The following C1orf185 variants were observed in gnomAD, a reference collection of about 807,000 sequenced individuals.
The protein encoded by C1orf185 is uncharacterized protein C1orf185.
In C1orf185, 13 loss-of-function variants were observed where a neutral mutation model predicts 16.1. The observed-to-expected ratio is 0.81, with a 90% CI of 0.53 to 1.28. The LOEUF (loss-of-function observed/expected upper bound fraction) is 1.28. Among genes scored for constraint, C1orf185 ranks in the 50% most tolerant of loss-of-function variants. The pLI is 0.00. For missense variants in C1orf185, 220 were observed against 225.2 expected (o/e 0.98, Z 0.15); for synonymous variants, 80 against 76.9 (o/e 1.04, Z -0.21).
intron 3 of C1orf185, among the ~76,000 whole-genome samples, chr1:51,144,223 C>T (rs956147738): frequency 4.6e-5 from 7 of 152,146 alleles, no homozygotes; most frequent in Non-Finnish European, 7.4e-5. Context: ...ATACCCCATT[C>T]CAGACCTTCC....
chr1:51,150,407 G>T (rs1238060590), downstream of C1orf185, among the ~76,000 whole-genome samples: 1 of 152,022 alleles, frequency 6.6e-6, no homozygotes, highest in Non-Finnish European at 1.5e-5. Flanking sequence ...TGGCCAGGCT[G>T]GTCTTGAACT....
At chr1:51,143,353 T>C (rs1646379131) in intron 3 of C1orf185, among the ~76,000 whole-genome samples, 1 of 152,190 alleles carries the variant, frequency 6.6e-6, no homozygotes, top group South Asian at 2.1e-4. Flanking sequence ...TCTATGAATG[T>C]AAGGAAGCAG....
chr1:51,117,690 C>A (rs899720075), intron 2 of C1orf185, among the ~76,000 whole-genome samples: 1 of 152,166 alleles, frequency 6.6e-6, no homozygotes, highest in Non-Finnish European at 1.5e-5. Context: ...GCCTTAATAG[C>A]TCATTTCTTT....
chr1:51,145,307 A>AAATAATAAT (rs111332471), intron 3 of C1orf185, among the ~76,000 whole-genome samples: 150 of 150,612 alleles, frequency 1.0e-3, no homozygotes, highest in African/African-American at 2.8e-3. Flanking sequence ...CCTGTCTCTA[A>AAATAATAAT]AATAATAATA....
chr1:51,114,145 T>C (rs549147493), intron 2 of C1orf185, among the ~76,000 whole-genome samples: 2 of 152,286 alleles, frequency 1.3e-5, no homozygotes, highest in South Asian at 4.1e-4. Flanking sequence ...TTGACATGTT[T>C]AACAAACAGA....
At chr1:51,133,199 A>G (rs1264672562) in intron 3 of C1orf185, among the ~76,000 whole-genome samples, 1 of 152,214 alleles carries the variant, frequency 6.6e-6, no homozygotes, top group Non-Finnish European at 1.5e-5. Context: ...GATCAAATCC[A>G]CACATATCAA....
intron 3 of C1orf185, among the ~76,000 whole-genome samples, 168 bp downstream of exon 3, chr1:51,118,969 A>G (rs1319277762): frequency 1.3e-5 from 2 of 152,196 alleles, no homozygotes; most frequent in African/African-American, 2.4e-5. Context: ...AGCTAAATGA[A>G]AATATATCAC....
rs1157231757 is a variant in C1orf185, at chr1:51,118,722, C to T, written c.179C>T (p.Pro60Leu). 1.5e-5 allele frequency: 23 copies of T among 1,490,724 alleles called. No individual in the cohort carries two copies. In the South Asian group the frequency reaches 2.2e-4, roughly 14 times the overall value. 92.3% of individuals were successfully genotyped at this position (1,490,724 alleles called of 1,614,324 possible). ...KAIDERCRQR[P>L]SMAKIKSHSQ... ...ATTGATGAGAGATGCAGGCAAAGAC[C>T]ATCAATGGCGAAGATTAAATCTCAT... The change falls in exon 3 of 5, where the codon CCA (proline) becomes CTA (leucine). Residue 60 changes from proline (P) to leucine (L), a missense_variant. Pro to Leu is a moderately conservative substitution (Grantham distance 98). Transcript: ENST00000371759.
At chr1:51,136,385 G>A (rs1352811960) in intron 3 of C1orf185, among the ~76,000 whole-genome samples, 2 of 150,942 alleles carry the variant, frequency 1.3e-5, no homozygotes, top group Admixed American at 1.3e-4. Context: ...ACCCAGGCTG[G>A]AGTGCAGTGG....
intron 3 of C1orf185, among the ~76,000 whole-genome samples, chr1:51,141,016 G>C (rs1219114530): frequency 6.6e-6 from 1 of 152,088 alleles, no homozygotes. Context: ...TGATAGGTTA[G>C]CTCCACCCAA....
chr1:51,150,193 T>G (rs558208765), downstream of C1orf185, among the ~76,000 whole-genome samples: 8 of 150,060 alleles, frequency 5.3e-5, no homozygotes, highest in East Asian at 1.4e-3. Flanking sequence ...TTGAATGTCT[T>G]TCTTTTTTTT....
intron 3 of C1orf185, among the ~76,000 whole-genome samples, chr1:51,128,337 A>T (rs990413067): frequency 3.3e-5 from 5 of 152,140 alleles, no homozygotes; most frequent in African/African-American, 1.2e-4. Flanking sequence ...TGAGAGTTTC[A>T]ATTTTCCATG....
rs369268032 is a variant in C1orf185, at chr1:51,123,946, TACACAC to T, written c.258+5161_258+5166del. Among the ~76,000 whole-genome samples the T allele has an allele frequency of 1.1e-4, 17 of 149,304 alleles. No individual in the cohort carries two copies. The East Asian group carries it at 1.6e-3, about 14-fold the overall frequency. ...TATTTTATACACACATGTATATATA[TACACAC>T]ACACACACACACACATTATATATAT... On this transcript the variant is annotated intron_variant, in intron 3 of 4. Transcript: ENST00000371759.
At chr1:51,139,279 T>A (rs925134749) in intron 3 of C1orf185, among the ~76,000 whole-genome samples, 1 of 152,034 alleles carries the variant, frequency 6.6e-6, no homozygotes, top group Non-Finnish European at 1.5e-5. Context: ...ATTTTTGTAT[T>A]TTTAGTAGAG....
downstream of C1orf185, among the ~76,000 whole-genome samples, chr1:51,150,124 C>A (rs1035262699): frequency 1.8e-4 from 28 of 151,752 alleles, no homozygotes; most frequent in African/African-American, 6.0e-4. Context: ...GTTTATATTA[C>A]AAATTATAAA....
downstream of C1orf185, among the ~76,000 whole-genome samples, chr1:51,152,126 T>A (rs542674804): frequency 5.3e-5 from 8 of 152,218 alleles, no homozygotes; most frequent in Non-Finnish European, 1.2e-4. Flanking sequence ...AGCTCGCAAC[T>A]GCCTTTGACA....
intron 1 of C1orf185, among the ~76,000 whole-genome samples, chr1:51,111,378 T>C (rs1235491482): frequency 6.7e-6 from 1 of 148,866 alleles, no homozygotes; most frequent in Non-Finnish European, 1.5e-5. Flanking sequence ...TTCTTTCTTT[T>C]TTTTTTTTTT....
Position 51,118,807 on chromosome 1 carries a change from G to T in C1orf185, c.258+6G>T. The T allele has an allele frequency of 7.1e-7, 1 of 1,412,144 alleles. No homozygotes were observed. The highest frequency in any genetic ancestry group is 1.6e-5 in the South Asian group (1 of 61,232). 87.5% of individuals were successfully genotyped at this position (1,412,144 alleles called of 1,614,324 possible). On this transcript the variant is annotated splice_donor_region_variant and intron_variant, in intron 3 of 4. Coordinates refer to ENST00000371759, the MANE Select transcript of C1orf185 (RefSeq NM_001136508.2). ...CTGGGAGATTCCAATTACAGGTAGG[G>T]TGTAATATTTTATAGTAATCTTTTC...
intron 3 of C1orf185, among the ~76,000 whole-genome samples, chr1:51,139,090 T>A (rs548319028): frequency 5.9e-5 from 9 of 152,136 alleles, no homozygotes; most frequent in Admixed American, 6.5e-5. Flanking sequence ...AAATTTCCTT[T>A]CTTTTTTTTT....
Sources: gnomAD v4.1 joint callset for allele counts (sites outside exome capture counted in the v4.1 genomes callset) on GRCh38, gnomAD v4.1.1 for gene constraint, MANE v1.5 for transcripts, NCBI Gene and HGNC (gene_info 2026-07-23, HGNC 2026-07-21) for gene names.